Variants in SIT1 observed in about 807,000 individuals in gnomAD.
The protein encoded by SIT1 is signaling threshold regulating transmembrane adaptor 1.
In SIT1, 19 loss-of-function variants were observed where a neutral mutation model predicts 23.5. The observed-to-expected ratio is 0.81, with a 90% CI of 0.56 to 1.19. The LOEUF (loss-of-function observed/expected upper bound fraction) is 1.19, where lower values mean the gene tolerates loss of function less well. Among genes scored for constraint, SIT1 ranks in the 50% most tolerant of loss-of-function variants. SIT1 has a pLI of 0.00. For synonymous variants in SIT1, 114 were observed against 109.1 expected, an observed-to-expected ratio of 1.04 and a Z score of -0.28; for missense variants, 213 against 254.9, an observed-to-expected ratio of 0.84 and a Z score of 1.12.
At position 35,650,884 on chromosome 9, in the gene SIT1, C is replaced by T. The variant is rs1823465347; in HGVS notation, c.-31G>A. ...GACGGTTTCCACAGCACTTCTTACT[C>T]CCATCCCTCCTCAGGCCCGTACCCC... On this transcript the variant is annotated 5_prime_UTR_variant, in exon 1 of 5. Coordinates refer to ENST00000259608, the MANE Select transcript of SIT1 (RefSeq NM_014450.3). This position sits in a 1 kb window ranked among gnomAD's most constrained non-coding sequence, Gnocchi z 4.8. The T allele has an allele frequency of 3.3e-6, 5 of 1,519,838 alleles. No homozygotes were observed. Among genetic ancestry groups the T allele is most frequent in the Non-Finnish European group, 4.5e-6 (5 of 1,109,574 alleles). The allele number at this position is 1,519,838 out of a possible 1,614,324, so 94.1% of individuals were successfully genotyped here. A position where few individuals can be genotyped will look rare whatever the true frequency, so the allele number is the denominator to read the frequency against.
Position 35,649,700 on chromosome 9 carries a change from C to G in SIT1, c.*148G>C, listed in dbSNP as rs887912234. The stretch of plus-strand genomic sequence containing the variant: ...ACGAAAGCTTTGCCCTGAGATGTCT[C>G]CCTTGAAGCTCAGATAGGAAGTCCG... On this transcript the variant is annotated 3_prime_UTR_variant, in exon 5 of 5. Transcript: ENST00000259608. 6.0e-5 allele frequency: 35 copies of G among 580,586 alleles called. No individual in the cohort carries two copies. The highest frequency in any genetic ancestry group is 4.6e-4 in the Middle Eastern group (1 of 2,178). 36.0% of individuals were successfully genotyped at this position (580,586 alleles called of 1,614,324 possible).
Position 35,650,927 on chromosome 9 carries a change from A to C in SIT1, c.-74T>G. ...CGTACCCCGCAGCTCAGCATCCCCA[A>C]TACTGGTGGTGGCAAAGTCTCTGGT... On this transcript the variant is annotated 5_prime_UTR_variant, in exon 1 of 5. Transcript: ENST00000259608. The surrounding 1 kb of genome is among the most constrained non-coding windows in gnomAD (Gnocchi z 4.8). The C allele has an allele frequency of 9.9e-6, 11 of 1,107,944 alleles. No individual in the cohort carries two copies. Among genetic ancestry groups the C allele is most frequent in the East Asian group, 2.6e-5 (1 of 38,728 alleles). The allele number at this position is 1,107,944 out of a possible 1,614,324, so 68.6% of individuals were successfully genotyped here.
Position 35,650,663 on chromosome 9 carries a change from G to T in SIT1, c.101-26C>A. On this transcript the variant is annotated intron_variant, in intron 1 of 4. Transcript: ENST00000259608. The surrounding 1 kb of genome is among the most constrained non-coding windows in gnomAD (Gnocchi z 4.8). Reference sequence around the variant, plus strand: ...CTGTGGATGTGAAAGGAAGGGGGGTGTAACAGCCCCGCCCCACCCCCAGGG... The same window carrying T: ...CTGTGGATGTGAAAGGAAGGGGGGTTTAACAGCCCCGCCCCACCCCCAGGG... 2 of 1,612,834 alleles carry T rather than the reference G, an allele frequency of 1.2e-6. No homozygotes were observed. The highest frequency in any genetic ancestry group is 1.7e-4 in the Middle Eastern group (1 of 6,060).
Position 35,649,542 on chromosome 9 carries a change from A to C in SIT1, c.*306T>G, listed in dbSNP as rs1048253030. On this transcript the variant is annotated 3_prime_UTR_variant, in exon 5 of 5. Transcript: ENST00000259608. Reference sequence around the variant, plus strand: ...AGACACTGAGGCGTGGGGGTAGACTATGAGGGAGCGGGGGTGGGGAGGATC... The same window carrying C: ...AGACACTGAGGCGTGGGGGTAGACTCTGAGGGAGCGGGGGTGGGGAGGATC... 1 of 264,030 alleles carries C rather than the reference A, an allele frequency of 3.8e-6. No individual in the cohort carries two copies. 16.4% of individuals were successfully genotyped at this position (264,030 alleles called of 1,614,324 possible). A position where few individuals can be genotyped will look rare whatever the true frequency, so the allele number is the denominator to read the frequency against.
chr9:35,650,662 T>A lies in SIT1; in HGVS notation c.101-25A>T, dbSNP rs1234420960. ...CCTGTGGATGTGAAAGGAAGGGGGG[T>A]GTAACAGCCCCGCCCCACCCCCAGG... On this transcript the variant is annotated intron_variant, in intron 1 of 4. Transcript: ENST00000259608. This position sits in a 1 kb window ranked among gnomAD's most constrained non-coding sequence, Gnocchi z 4.8. 1 of 1,611,078 alleles carries A rather than the reference T, an allele frequency of 6.2e-7. No homozygotes were observed. The highest frequency in any genetic ancestry group is 2.2e-5 in the East Asian group (1 of 44,774).
At position 35,650,453 on chromosome 9, in the gene SIT1, C is replaced by T. The variant is rs374818537; in HGVS notation, c.237-38G>A. 9.3e-6 allele frequency: 15 copies of T among 1,613,828 alleles called. No homozygotes were observed. Among genetic ancestry groups the T allele is most frequent in the East Asian group, 2.2e-5 (1 of 44,884 alleles). ...GTTTAGGGGATGAGTGGGGACTTCTCGGTAAGAGAGAACTCTCAGTCAACC... is the reference window on the plus strand; with the variant it reads ...GTTTAGGGGATGAGTGGGGACTTCTTGGTAAGAGAGAACTCTCAGTCAACC... On this transcript the variant is annotated intron_variant, in intron 2 of 4. Transcript: ENST00000259608. This position sits in a 1 kb window ranked among gnomAD's most constrained non-coding sequence, Gnocchi z 4.8.
rs1823451079 is a variant in SIT1, at chr9:35,650,238, C to G, written c.303G>C (p.Leu101=). 6.2e-7 allele frequency: 1 copy of G among 1,613,762 alleles called. No homozygotes were observed. Among genetic ancestry groups the G allele is most frequent in the East Asian group, 2.2e-5 (1 of 44,874 alleles). The change falls in exon 4 of 5, where the codon CTG becomes CTC. Residue 101 remains leucine, a synonymous_variant. Coordinates refer to ENST00000259608, the MANE Select transcript of SIT1 (RefSeq NM_014450.3). The surrounding 1 kb of genome is among the most constrained non-coding windows in gnomAD (Gnocchi z 4.8). ...GNLHYLQTGR[L]SQDPEPDQQD... ...GCTGGTCTGGCTCTGGGTCTTGAGA[C>G]AGCCGTCCTGGGACGGGGAACAGGA... is the stretch of plus-strand genomic sequence containing the variant.
rs202094177 is a variant in SIT1, at chr9:35,650,297, C to T, written c.296-52G>A. ...AGCAACTTGTCCTTCCTCCTGCACG[C>T]CCCCATCCCAGCCACCCAGGACCTG... On this transcript the variant is annotated intron_variant, in intron 3 of 4. Coordinates refer to ENST00000259608, the MANE Select transcript of SIT1 (RefSeq NM_014450.3). This position sits in a 1 kb window ranked among gnomAD's most constrained non-coding sequence, Gnocchi z 4.8. The T allele has an allele frequency of 3.7e-6, 6 of 1,611,020 alleles. No homozygotes were observed. The South Asian group carries it at 4.4e-5, about 12-fold the overall frequency.
In SIT1 at chr9:35,650,617, C is replaced by A; in HGVS notation, c.121G>T (p.Ala41Ser). The change falls in exon 2 of 5, where the codon GCC becomes TCC. Residue 41 changes from alanine to serine, a missense_variant. Physicochemically the swap from Ala to Ser is moderately conservative, Grantham distance 99. Transcript: ENST00000259608. The surrounding 1 kb of genome is among the most constrained non-coding windows in gnomAD (Gnocchi z 4.8). ...CCTAAGAGGACCCACAGTCCCCAGG[C>A]CTGGGTTATGGAGGGGATTCCTGTG... ...LALGIPSITQ[A>S]WGLWVLLGAV... 2 of 1,613,716 alleles carry A rather than the reference C, an allele frequency of 1.2e-6. No homozygotes were observed. The highest frequency in any genetic ancestry group is 2.7e-5 in the African/African-American group (2 of 75,012).
Position 35,649,911 on chromosome 9 carries a change from G to A in SIT1, c.528C>T (p.Thr176=). ...PELYASVCAQ[T]RRARASFPDQ... ...CCGGGAAGGAGGCCCGGGCCCTGCG[G>A]GTCTGGGCACATACTGAGGCATAGA... Residue 176 remains threonine, a synonymous_variant, in exon 5 of 5, where the codon ACC becomes ACT. Coordinates refer to ENST00000259608, the MANE Select transcript of SIT1 (RefSeq NM_014450.3). 2 of 1,586,296 alleles carry A rather than the reference G, an allele frequency of 1.3e-6. No homozygotes were observed. The highest frequency in any genetic ancestry group is 1.3e-5 in the African/African-American group (1 of 74,802).
chr9:35,650,521 T>A lies in SIT1; in HGVS notation c.217A>T (p.Ser73Cys). ...ACCCACCGTCCCTGCCCCGGATGGC[T>A]CCTGCTCCGGCCCCTGGTCCACTGG... ...LSQWTRGRSR[S>C]HPGQGRSGES... The change falls in exon 2 of 5, where the codon AGC becomes TGC. Residue 73 changes from serine to cysteine, a missense_variant. Coordinates refer to ENST00000259608, the MANE Select transcript of SIT1 (RefSeq NM_014450.3). This position sits in a 1 kb window ranked among gnomAD's most constrained non-coding sequence, Gnocchi z 4.8. 1 of 1,613,960 alleles carries A rather than the reference T, an allele frequency of 6.2e-7. No homozygotes were observed. Among genetic ancestry groups the A allele is most frequent in the Non-Finnish European group, 8.5e-7 (1 of 1,180,004 alleles).
Position 35,650,160 on chromosome 9 carries a change from T to C in SIT1, c.357+24A>G. 3 of 1,611,068 alleles carry C rather than the reference T, an allele frequency of 1.9e-6. No individual in the cohort carries two copies. Among genetic ancestry groups the C allele is most frequent in the Non-Finnish European group, 2.5e-6 (3 of 1,177,404 alleles). On this transcript the variant is annotated intron_variant, in intron 4 of 4. Transcript: ENST00000259608. The surrounding 1 kb of genome is among the most constrained non-coding windows in gnomAD (Gnocchi z 4.8). ...GCCCCCCACTTCCTTCCCTCCCCCT[T>C]TTCTCCAGCCACAGTTGACTCACCC... is the stretch of plus-strand genomic sequence containing the variant.
At position 35,650,845 on chromosome 9, in the gene SIT1, C is replaced by G. The variant is rs1362891117; in HGVS notation, c.9G>C (p.Gln3His). The G allele has an allele frequency of 6.2e-7, 1 of 1,609,666 alleles. No individual in the cohort carries two copies. Among genetic ancestry groups the G allele is most frequent in the Non-Finnish European group, 8.5e-7 (1 of 1,177,898 alleles). Reference protein sequence around the residue: MNQADPRLRAVCL... With the variant: MNHADPRLRAVCL... ...ACACTGCTCTGAGCCGAGGGTCAGC[C>G]TGGTTCATGGCCTGACGGTTTCCAC... Residue 3 changes from glutamine (Q) to histidine (H), a missense_variant, in exon 1 of 5, where the codon CAG becomes CAC. Coordinates refer to ENST00000259608, the MANE Select transcript of SIT1 (RefSeq NM_014450.3). This position sits in a 1 kb window ranked among gnomAD's most constrained non-coding sequence, Gnocchi z 4.8.
Position 35,649,758 on chromosome 9 carries a change from GC to G in SIT1, c.*89del. ...TCACATCCTGTGACTTGGCAATGGCGCCCGTCTTTGGGTGCTGGTTGGGAAA... is the reference window on the plus strand; with the variant it reads ...TCACATCCTGTGACTTGGCAATGGCGCCGTCTTTGGGTGCTGGTTGGGAAA... On this transcript the variant is annotated 3_prime_UTR_variant, in exon 5 of 5. Transcript: ENST00000259608. The G allele has an allele frequency of 1.0e-6, 1 of 977,660 alleles. No homozygotes were observed. The allele number at this position is 977,660 out of a possible 1,614,324, so 60.6% of individuals were successfully genotyped here. A position where few individuals can be genotyped will look rare whatever the true frequency, so the allele number is the denominator to read the frequency against.
Position 35,650,252 on chromosome 9 carries a change from CG to C in SIT1, c.296-8del. ...GGGTCTTGAGACAGCCGTCCTGGGA[CG>C]GGGAACAGGAATCTGGTCAGCAACT... On this transcript the variant is annotated splice_region_variant and splice_polypyrimidine_tract_variant and intron_variant, in intron 3 of 4. Transcript: ENST00000259608. The surrounding 1 kb of genome is among the most constrained non-coding windows in gnomAD (Gnocchi z 4.8). 6.2e-7 allele frequency: 1 copy of C among 1,613,094 alleles called. No individual in the cohort carries two copies. Among genetic ancestry groups the C allele is most frequent in the Non-Finnish European group, 8.5e-7 (1 of 1,179,370 alleles).
rs1823448156 is a variant in SIT1, at chr9:35,650,073, C to T, written c.366G>A (p.Glu122=). 1.2e-6 allele frequency: 2 copies of T among 1,606,348 alleles called. No homozygotes were observed. Among genetic ancestry groups the T allele is most frequent in the South Asian group, 2.2e-5 (2 of 90,022 alleles). Residue 122 remains glutamate (E), a synonymous_variant, in exon 5 of 5, where the codon GAG becomes GAA. Coordinates refer to ENST00000259608, the MANE Select transcript of SIT1 (RefSeq NM_014450.3). The surrounding 1 kb of genome is among the most constrained non-coding windows in gnomAD (Gnocchi z 4.8). ...GCAGGCTGGTATAGCACATCACCTC[C>T]TCTGCAGCCTGGAGATGCAAGGCTG... The part of the protein sequence containing the change: ...PTLGGPARAA[E]EVMCYTSLQL...
Position 35,650,546 on chromosome 9 carries a change from G to A in SIT1, c.192C>T (p.Ser64=). 1 of 1,613,962 alleles carries A rather than the reference G, an allele frequency of 6.2e-7. No homozygotes were observed. Among genetic ancestry groups the A allele is most frequent in the Non-Finnish European group, 8.5e-7 (1 of 1,180,020 alleles). ...TCCTGCTCCGGCCCCTGGTCCACTGGGACAAGTGTGCAGCCAGCGAGATGA... is the reference window on the plus strand; with the variant it reads ...TCCTGCTCCGGCCCCTGGTCCACTGAGACAAGTGTGCAGCCAGCGAGATGA... ...LFLISLAAHL[S]QWTRGRSRSH... Residue 64 remains serine, a synonymous_variant, in exon 2 of 5, where the codon TCC becomes TCT. Transcript: ENST00000259608. This position sits in a 1 kb window ranked among gnomAD's most constrained non-coding sequence, Gnocchi z 4.8.
chr9:35,650,391 G>T lies in SIT1; in HGVS notation c.261C>A (p.Val87=), dbSNP rs372485256. The T allele has an allele frequency of 1.2e-6, 2 of 1,613,946 alleles. No homozygotes were observed. Among genetic ancestry groups the T allele is most frequent in the African/African-American group, 2.7e-5 (2 of 74,876 alleles). Residue 87 remains valine (V), a synonymous_variant, in exon 3 of 5, where the codon GTC becomes GTA. Transcript: ENST00000259608. The surrounding 1 kb of genome is among the most constrained non-coding windows in gnomAD (Gnocchi z 4.8). ...QGRSGESVEE[V]PLYGNLHYLQ... ...GATAATGCAGGTTCCCATACAGCGG[G>T]ACCTCTTCCACAGACTCTCCAGAGC...
Position 35,650,113 on chromosome 9 carries a change from G to T in SIT1, c.358-32C>A. On this transcript the variant is annotated intron_variant, in intron 4 of 4. Transcript: ENST00000259608. This position sits in a 1 kb window ranked among gnomAD's most constrained non-coding sequence, Gnocchi z 4.8. ...ATGCAAGGCTGTTAGAAGTTCACTG[G>T]ACCCTCGGAAAAGCCCGAAAAGCCC... 1.2e-6 allele frequency: 2 copies of T among 1,611,934 alleles called. No individual in the cohort carries two copies. Among genetic ancestry groups the T allele is most frequent in the African/African-American group, 1.3e-5 (1 of 74,970 alleles).
Sources: gnomAD v4.1 joint callset for allele counts on GRCh38, gnomAD v4.1.1 for gene constraint, Gnocchi (gnomAD v3.1) non-coding constraint, MANE v1.5 for transcripts, NCBI Gene and HGNC (gene_info 2026-07-23, HGNC 2026-07-21) for gene names.